CSNK1G2: variants seen among roughly 807,000 people sequenced by gnomAD.
CSNK1G2 encodes casein kinase I isoform gamma-2.
A neutral mutation model predicts 48.0 loss-of-function variants in CSNK1G2; 11 were observed. The ratio of observed to expected loss-of-function variants is 0.23; its 90% CI spans 0.14 to 0.38. The LOEUF is 0.38. Among genes scored for constraint, CSNK1G2 ranks in the 10% least tolerant of loss-of-function variants. CSNK1G2 has a pLI of 1.00. For missense variants in CSNK1G2, 446 were observed against 595.5 expected (o/e 0.75, Z 2.61); for synonymous variants, 337 against 254.1 (o/e 1.33, Z -3.10).
chr19:1,974,331 C>T (rs539498692), intron 2 of CSNK1G2, among the ~76,000 whole-genome samples: 7 of 152,238 alleles, frequency 4.6e-5, no homozygotes, highest in Admixed American at 3.3e-4. Context: ...CGGCACAGAC[C>T]GGAGGGGGCT....
At chr19:1,959,641 G>T (rs113421821) in intron 1 of CSNK1G2, among the ~76,000 whole-genome samples, 1 of 31,218 alleles carries the variant, frequency 3.2e-5, no homozygotes, top group East Asian at 1.8e-3. Context: ...TAGTGCCACC[G>T]TGGGTCCCCC....
At chr19:1,949,288 T>C (rs2014679081) in intron 1 of CSNK1G2, among the ~76,000 whole-genome samples, 1 of 152,198 alleles carries the variant, frequency 6.6e-6, no homozygotes, top group Admixed American at 6.5e-5. Context: ...AGACGCTGTC[T>C]TCGTGAAACG....
chr19:1,973,535 C>T (rs946272266), intron 2 of CSNK1G2, among the ~76,000 whole-genome samples: 3 of 152,220 alleles, frequency 2.0e-5, no homozygotes, highest in African/African-American at 7.2e-5. Context: ...GGTTCTGGTT[C>T]TGCGTGTGAC....
chr19:1,969,874 G>A lies in CSNK1G2; in HGVS notation c.102G>A (p.Gly34=), dbSNP rs2015504335. ...GCAGCCACGGCATCCGGAGCTCGGG[G>A]ACCAGCTCGGGGGTCCTGATGGTGG... ...GRSSHGIRSS[G]TSSGVLMVGP... The change falls in exon 2 of 12, where the codon GGG becomes GGA. Residue 34 remains glycine (G), a synonymous_variant. Coordinates refer to ENST00000255641, the MANE Select transcript of CSNK1G2 (RefSeq NM_001319.7). 2.3e-6 allele frequency: 3 copies of A among 1,312,094 alleles called. No homozygotes were observed. Among genetic ancestry groups the A allele is most frequent in the Non-Finnish European group, 2.9e-6 (3 of 1,021,738 alleles). The allele number at this position is 1,312,094 out of a possible 1,614,324, so 81.3% of individuals were successfully genotyped here.
chr19:1,979,673 C>G (rs776023184), intron 9 of CSNK1G2, 30 bp downstream of exon 9: 1 of 1,600,916 alleles, frequency 6.2e-7, no homozygotes, highest in African/African-American at 1.3e-5. Context: ...TATGTGGGAG[C>G]GGGGGACCGG....
chr19:1,979,619 G>A lies in CSNK1G2; in HGVS notation c.978G>A (p.Glu326=), dbSNP rs781005771. The A allele has an allele frequency of 3.1e-6, 5 of 1,605,322 alleles. No individual in the cohort carries two copies. The South Asian group carries it at 5.5e-5, about 18-fold the overall frequency. The change falls in exon 9 of 12, where the codon GAG becomes GAA. Residue 326 remains glutamate (E), a synonymous_variant. Transcript: ENST00000255641. ...FDRSGFVFDY[E]YDWAGKPLPT... ...GCAGTGGCTTCGTGTTCGACTATGA[G>A]TACGACTGGGCCGGGAAGCCCCTGG... is the stretch of plus-strand genomic sequence containing the variant.
intron 1 of CSNK1G2, among the ~76,000 whole-genome samples, chr19:1,959,490 C>CCACCCTGAG (rs2015116508): frequency 1.4e-5 from 2 of 146,100 alleles, no homozygotes; most frequent in Admixed American, 6.8e-5. Flanking sequence ...ACCTTTAATG[C>CCACCCTGAG]TCGGCCCCCA....
Position 1,979,558 on chromosome 19 carries a change from A to G in CSNK1G2, c.917A>G (p.Asp306Gly). ...RLDFFEKPDY[D>G]YLRKLFTDLF... is the part of the protein sequence containing the mutation. ...GACTTCTTCGAGAAGCCCGACTATG[A>G]CTACCTGCGGAAGCTCTTCACCGAC... Residue 306 changes from aspartate (D) to glycine (G), a missense_variant, in exon 9 of 12, where the codon GAC becomes GGC. Transcript: ENST00000255641. 6.2e-7 allele frequency: 1 copy of G among 1,608,786 alleles called. No individual in the cohort carries two copies. The highest frequency in any genetic ancestry group is 8.5e-7 in the Non-Finnish European group (1 of 1,179,726).
intron 2 of CSNK1G2, among the ~76,000 whole-genome samples, chr19:1,973,267 A>G (rs541861101): frequency 6.6e-6 from 1 of 151,708 alleles, no homozygotes; most frequent in South Asian, 2.1e-4. Flanking sequence ...TCTCTTGCCC[A>G]GGCTGGAGTG....
chr19:1,980,338 G>T lies in CSNK1G2; in HGVS notation c.*135G>T. 9.1e-7 allele frequency: 1 copy of T among 1,100,068 alleles called. No homozygotes were observed. The highest frequency in any genetic ancestry group is 1.3e-6 in the Non-Finnish European group (1 of 741,346). 68.1% of individuals were successfully genotyped at this position (1,100,068 alleles called of 1,614,324 possible). A position where few individuals can be genotyped will look rare whatever the true frequency, so the allele number is the denominator to read the frequency against. The stretch of plus-strand genomic sequence containing the variant: ...GGAAGCCAGAACGCAGACTGCAGGG[G>T]CCGCGCCTGGCTCAGGCGGCCCCAC... On this transcript the variant is annotated 3_prime_UTR_variant, in exon 12 of 12. Transcript: ENST00000255641.
At chr19:1,956,606 G>A (rs1417996108) in intron 1 of CSNK1G2, among the ~76,000 whole-genome samples, 1 of 152,214 alleles carries the variant, frequency 6.6e-6, no homozygotes, top group African/African-American at 2.4e-5. Flanking sequence ...CTTACCCTGC[G>A]GCATTGGCCC....
intron 2 of CSNK1G2, among the ~76,000 whole-genome samples, chr19:1,977,024 C>T (rs1402907822): frequency 1.3e-5 from 2 of 152,200 alleles, no homozygotes; most frequent in Non-Finnish European, 2.9e-5. Flanking sequence ...CAGGCATAAG[C>T]CACCGTGCCC....
intron 1 of CSNK1G2, among the ~76,000 whole-genome samples, chr19:1,955,932 G>C (rs12980569): frequency 0.64 from 97,823 of 152,150 alleles, 32,196 homozygotes; most frequent in Middle Eastern, 0.73. Flanking sequence ...GGCCACAACA[G>C]CCAAGACCAC....
chr19:1,949,297 C>T (rs1377372734), intron 1 of CSNK1G2, among the ~76,000 whole-genome samples: 2 of 152,194 alleles, frequency 1.3e-5, no homozygotes, highest in African/African-American at 2.4e-5. Context: ...CTTCGTGAAA[C>T]GTTCACTCCC....
intron 1 of CSNK1G2, chr19:1,953,636 C>T (rs1194541654): frequency 1.5e-5 from 6 of 413,706 alleles, no homozygotes; most frequent in Non-Finnish European, 3.0e-5. Flanking sequence ...GTCAGCTCTG[C>T]CCGTGGCCCT....
chr19:1,946,326 C>G (rs2014561512), intron 1 of CSNK1G2, among the ~76,000 whole-genome samples: 1 of 119,070 alleles, frequency 8.4e-6, no homozygotes, highest in Non-Finnish European at 2.0e-5. Context: ...GAGTCTTGCA[C>G]TGTTGCCCAG....
rs775715488 is a variant in CSNK1G2, at chr19:1,978,831, C to T, written c.448-28C>T. The T allele has an allele frequency of 1.9e-5, 31 of 1,592,386 alleles. No homozygotes were observed. Among genetic ancestry groups the T allele is most frequent in the Middle Eastern group, 1.7e-4 (1 of 5,998 alleles). On this transcript the variant is annotated intron_variant, in intron 5 of 11. Coordinates refer to ENST00000255641, the MANE Select transcript of CSNK1G2 (RefSeq NM_001319.7). This position sits in a 1 kb window ranked among gnomAD's most constrained non-coding sequence, Gnocchi z 7.3. The stretch of plus-strand genomic sequence containing the variant: ...GGAGCGCGTGGGACGGGGAGGGGCC[C>T]GGCCGACACCGCCGTGCCCCCCTGC...
At chr19:1,948,000 C>T (rs982877990) in intron 1 of CSNK1G2, among the ~76,000 whole-genome samples, 11 of 152,150 alleles carry the variant, frequency 7.2e-5, no homozygotes, top group Non-Finnish European at 1.5e-4. Context: ...TTCCTGTGGG[C>T]GCACAGCCCC....
At chr19:1,971,227 G>T (rs539014529) in intron 2 of CSNK1G2, among the ~76,000 whole-genome samples, 2 of 152,234 alleles carry the variant, frequency 1.3e-5, no homozygotes, top group African/African-American at 4.8e-5. Flanking sequence ...GGCTGTTTCT[G>T]TGTTCCCATT....
Sources: allele counts gnomAD v4.1 joint callset (sites outside exome capture counted in the v4.1 genomes callset), GRCh38; gene constraint gnomAD v4.1.1; non-coding constraint Gnocchi (gnomAD v3.1); transcripts MANE v1.5; gene names NCBI Gene and HGNC (gene_info 2026-07-23, HGNC 2026-07-21).